Variants in DACH1 observed in about 807,000 individuals in gnomAD.
DACH1 encodes the protein dachshund family transcription factor 1.
In DACH1, 12 loss-of-function variants were observed where a neutral mutation model predicts 54.2. That is an observed-to-expected ratio of 0.22 (90% CI 0.14 to 0.36). The LOEUF (loss-of-function observed/expected upper bound fraction) is 0.36. DACH1 is among the 10% of genes least tolerant of loss of function. The pLI, the probability that DACH1 is intolerant of heterozygous loss-of-function variation, is 1.00. For synonymous variants in DACH1, 386 were observed against 366.2 expected (o/e 1.05, Z -0.62); for missense variants, 805 against 929.8 (o/e 0.87, Z 1.75).
At chr13:71,737,714 C>A (rs948813281) in intron 1 of DACH1, among the ~76,000 whole-genome samples, 14 of 152,140 alleles carry the variant, frequency 9.2e-5, no homozygotes, top group Non-Finnish European at 1.9e-4. Context: ...TTAGAAGATT[C>A]ATTTGTCCTA....
rs184840790 is a variant in DACH1, at chr13:71,438,632, A to T, written c.*2023T>A. The T allele has an allele frequency of 2.0e-5, 3 of 152,568 alleles. No individual in the cohort carries two copies. The East Asian group carries it at 5.8e-4, about 29-fold the overall frequency. 9.5% of individuals were successfully genotyped at this position (152,568 alleles called of 1,614,324 possible). On this transcript the variant is annotated 3_prime_UTR_variant, in exon 11 of 11. Transcript: ENST00000613252. ...GTGACTCTATGCCAGGAGCAGAGCA[A>T]TGGCTGATTCTACTACATATGTAAG...
intron 3 of DACH1, among the ~76,000 whole-genome samples, chr13:71,611,500 T>C (rs1875324831): frequency 6.6e-6 from 1 of 152,188 alleles, no homozygotes; most frequent in South Asian, 2.1e-4. Flanking sequence ...TGTTTATCTT[T>C]TTTGAAACTT....
intron 2 of DACH1, among the ~76,000 whole-genome samples, chr13:71,635,830 G>T (rs897012144): frequency 6.6e-6 from 1 of 152,040 alleles, no homozygotes; most frequent in African/African-American, 2.4e-5. Flanking sequence ...ACCCAGGCTG[G>T]AGTGCAGTAG....
At chr13:71,706,109 G>C (rs1227871954) in intron 1 of DACH1, among the ~76,000 whole-genome samples, 2 of 151,832 alleles carry the variant, frequency 1.3e-5, no homozygotes, top group African/African-American at 4.8e-5. Flanking sequence ...AGTCAGAATA[G>C]GATATTTTCT....
At chr13:71,608,846 G>A (rs952524925) in intron 3 of DACH1, among the ~76,000 whole-genome samples, 6 of 151,952 alleles carry the variant, frequency 3.9e-5, no homozygotes, top group Non-Finnish European at 7.4e-5. Context: ...TGGCCATAAC[G>A]AATTTCCTGA....
At chr13:71,840,975 T>G (rs545465332) in intron 1 of DACH1, among the ~76,000 whole-genome samples, 1 of 152,154 alleles carries the variant, frequency 6.6e-6, no homozygotes, top group African/African-American at 2.4e-5. Context: ...GATGATACAG[T>G]TGTTTTACCA....
chr13:71,459,043 A>G lies in DACH1; in HGVS notation c.2083+16098T>C, dbSNP rs141246186. ...ATAGATTCAACAAGAGTTACGGACA[A>G]TAGTTTGCCAAAGTTCATTCCACGA... On this transcript the variant is annotated intron_variant, in intron 10 of 10. Coordinates refer to ENST00000613252, the MANE Select transcript of DACH1 (RefSeq NM_080759.6). 1.2e-3 allele frequency among the ~76,000 whole-genome samples: 186 copies of G among 152,008 alleles called. 1 individual carries two copies. Among genetic ancestry groups the G allele is most frequent in the African/African-American group, 4.3e-3 (179 of 41,564 alleles).
intron 6 of DACH1, among the ~76,000 whole-genome samples, chr13:71,508,350 C>T (rs562532878): frequency 6.6e-6 from 1 of 152,200 alleles, no homozygotes; most frequent in East Asian, 1.9e-4. Flanking sequence ...GATGATTACT[C>T]TCACAATTTT....
At chr13:71,663,222 A>C (rs902877272) in intron 2 of DACH1, among the ~76,000 whole-genome samples, 2 of 151,906 alleles carry the variant, frequency 1.3e-5, no homozygotes, top group Non-Finnish European at 2.9e-5. Flanking sequence ...TAGATGGAGG[A>C]GTTAAACAGC....
chr13:71,840,797 T>C (rs1171981589), intron 1 of DACH1, among the ~76,000 whole-genome samples: 1 of 152,186 alleles, frequency 6.6e-6, no homozygotes, highest in Non-Finnish European at 1.5e-5. Flanking sequence ...TAAATTTGAT[T>C]TCAATTTTTT....
chr13:71,822,317 A>G (rs764735772), intron 1 of DACH1, among the ~76,000 whole-genome samples: 1 of 152,236 alleles, frequency 6.6e-6, no homozygotes, highest in Non-Finnish European at 1.5e-5. Flanking sequence ...AAAATATTAC[A>G]TGGATTAACA....
chr13:71,667,105 T>A (rs970988949), intron 2 of DACH1, among the ~76,000 whole-genome samples: 7 of 152,158 alleles, frequency 4.6e-5, no homozygotes, highest in African/African-American at 1.7e-4. Flanking sequence ...GAATTTTCAA[T>A]ATTTTTTAAA....
In DACH1 at chr13:71,781,493, C is replaced by G. The variant is rs564037923; in HGVS notation, c.848+84429G>C. Among the ~76,000 whole-genome samples the G allele has an allele frequency of 7.8e-4, 119 of 151,992 alleles. 1 individual carries two copies. The South Asian group carries it at 0.024, about 31-fold the overall frequency. ...TCCTGGGTTCATGCCATTCTCCTGCCTCAGCCTCCCAAGTAGCTGAGACTA... is the reference window on the plus strand; with the variant it reads ...TCCTGGGTTCATGCCATTCTCCTGCGTCAGCCTCCCAAGTAGCTGAGACTA... On this transcript the variant is annotated intron_variant, in intron 1 of 10. Coordinates refer to ENST00000613252, the MANE Select transcript of DACH1 (RefSeq NM_080759.6).
At chr13:71,504,695 T>C (rs927050952) in intron 6 of DACH1, among the ~76,000 whole-genome samples, 2 of 152,208 alleles carry the variant, frequency 1.3e-5, no homozygotes, top group African/African-American at 4.8e-5. Flanking sequence ...TTCCTAATCA[T>C]GGATGTATCA....
intron 1 of DACH1, among the ~76,000 whole-genome samples, chr13:71,736,992 T>C (rs903242021): frequency 6.6e-6 from 1 of 152,184 alleles, no homozygotes; most frequent in Non-Finnish European, 1.5e-5. Flanking sequence ...GGCTCACGCC[T>C]ATAATCCCAG....
intron 10 of DACH1, among the ~76,000 whole-genome samples, chr13:71,462,822 C>A (rs1281700468): frequency 1.3e-5 from 2 of 151,378 alleles, no homozygotes; most frequent in African/African-American, 4.9e-5. Flanking sequence ...CAGTTAACAG[C>A]AGCATGGGAA....
intron 3 of DACH1, among the ~76,000 whole-genome samples, chr13:71,597,806 A>G (rs563541999): frequency 3.8e-4 from 58 of 152,244 alleles, no homozygotes; most frequent in Admixed American, 5.9e-4. Flanking sequence ...TATTAACAAG[A>G]GGATAATTGT....
intron 2 of DACH1, among the ~76,000 whole-genome samples, chr13:71,643,981 T>C (rs1878095361): frequency 6.6e-6 from 1 of 152,158 alleles, no homozygotes; most frequent in Non-Finnish European, 1.5e-5. Context: ...ATTAAAAAAA[T>C]GCTTTCTTTA....
chr13:71,852,458 C>G (rs1418988851), intron 1 of DACH1, among the ~76,000 whole-genome samples: 1 of 151,422 alleles, frequency 6.6e-6, no homozygotes, highest in Non-Finnish European at 1.5e-5. Flanking sequence ...AACAAATGAA[C>G]TATAGATTCA....
Sources: gnomAD v4.1 joint callset for allele counts (sites outside exome capture counted in the v4.1 genomes callset) on GRCh38, gnomAD v4.1.1 for gene constraint, MANE v1.5 for transcripts, NCBI Gene and HGNC (gene_info 2026-07-23, HGNC 2026-07-21) for gene names.